The following LRMDA variants were observed in gnomAD, a reference collection of about 807,000 sequenced individuals.
LRMDA encodes leucine rich melanocyte differentiation associated.
Under a neutral mutation model 29.8 loss-of-function variants are expected in LRMDA, and 18 were observed. The observed-to-expected ratio is 0.60, with a 90% CI of 0.42 to 0.90. LRMDA has a LOEUF of 0.90. Among genes scored for constraint, LRMDA ranks in the 40% least tolerant of loss-of-function variants. LRMDA has a pLI of 0.00. For missense variants in LRMDA, 273 were observed against 273.9 expected, an observed-to-expected ratio of 1.00 and a Z score of 0.02; for synonymous variants, 125 against 109.4, an observed-to-expected ratio of 1.14 and a Z score of -0.89.
intron 2 of LRMDA, among the ~76,000 whole-genome samples, chr10:76,013,134 A>C (rs1445982079): frequency 6.6e-6 from 1 of 152,214 alleles, no homozygotes; most frequent in African/African-American, 2.4e-5. Flanking sequence ...GTGAAAGATC[A>C]AAGATTGCTA....
At chr10:75,845,070 G>T (rs576745984) in intron 2 of LRMDA, among the ~76,000 whole-genome samples, 1 of 151,836 alleles carries the variant, frequency 6.6e-6, no homozygotes, top group East Asian at 1.9e-4. Context: ...TATAATTTTT[G>T]TATAAAATTG....
In LRMDA at chr10:76,106,474, T is replaced by C. The variant is rs568144194; in HGVS notation, c.516+47691T>C. Reference sequence around the variant, plus strand: ...CCTGTTGGTCTTTAGCCATGAAATATCCCTGTATCATTTCCCCATTTTTAT... The same window carrying C: ...CCTGTTGGTCTTTAGCCATGAAATACCCCTGTATCATTTCCCCATTTTTAT... On this transcript the variant is annotated intron_variant, in intron 5 of 6. Coordinates refer to ENST00000611255, the MANE Select transcript of LRMDA (RefSeq NM_001305581.2). Among the ~76,000 whole-genome samples, 4 of 152,340 alleles carry C rather than the reference T, an allele frequency of 2.6e-5. No homozygotes were observed. The South Asian group carries it at 8.3e-4, about 32-fold the overall frequency.
At chr10:76,531,040 G>T (rs943498231) in intron 6 of LRMDA, among the ~76,000 whole-genome samples, 2 of 152,072 alleles carry the variant, frequency 1.3e-5, no homozygotes, top group African/African-American at 4.8e-5. Flanking sequence ...TTCTAGGTTT[G>T]GGGGCAGATA....
intron 2 of LRMDA, among the ~76,000 whole-genome samples, chr10:75,448,074 G>A (rs964906475): frequency 6.6e-6 from 1 of 152,190 alleles, no homozygotes; most frequent in Non-Finnish European, 1.5e-5. Context: ...GAGGTGGTGG[G>A]CAACTGGAGA....
At chr10:76,431,250 T>A (rs1326137917) in intron 6 of LRMDA, among the ~76,000 whole-genome samples, 1 of 152,170 alleles carries the variant, frequency 6.6e-6, no homozygotes. Context: ...ATTTACGTGT[T>A]TGAGGCGGGC....
chr10:76,051,417 C>G (rs1484786019), intron 4 of LRMDA, among the ~76,000 whole-genome samples: 1 of 152,202 alleles, frequency 6.6e-6, no homozygotes, highest in Non-Finnish European at 1.5e-5. Context: ...CTGGCCTCTG[C>G]CAGTTGTCAG....
At chr10:75,978,309 C>T (rs1050920982) in intron 2 of LRMDA, among the ~76,000 whole-genome samples, 2 of 152,196 alleles carry the variant, frequency 1.3e-5, no homozygotes, top group African/African-American at 4.8e-5. Context: ...CTCTTTGTAG[C>T]TCTGACATTC....
At chr10:75,903,621 A>G (rs1366072040) in intron 2 of LRMDA, among the ~76,000 whole-genome samples, 1 of 152,252 alleles carries the variant, frequency 6.6e-6, no homozygotes, top group Non-Finnish European at 1.5e-5. Flanking sequence ...CTTGAATGAA[A>G]GGAACTAGAA....
In LRMDA at chr10:75,555,721, A is replaced by C. The variant is rs557977038; in HGVS notation, c.131+117227A>C. ...GATGCAACCTAAAATTACTTACTGCATGACGAAACACAATCAACAGAGATC... is the reference window on the plus strand; with the variant it reads ...GATGCAACCTAAAATTACTTACTGCCTGACGAAACACAATCAACAGAGATC... On this transcript the variant is annotated intron_variant, in intron 2 of 6. Transcript: ENST00000611255. Among the ~76,000 whole-genome samples, 8 of 152,322 alleles carry C rather than the reference A, an allele frequency of 5.3e-5. No homozygotes were observed. In the South Asian group the frequency reaches 1.7e-3, roughly 32 times the overall value.
chr10:76,141,765 G>A (rs1448007354), intron 5 of LRMDA, among the ~76,000 whole-genome samples: 1 of 152,040 alleles, frequency 6.6e-6, no homozygotes, highest in African/African-American at 2.4e-5. Flanking sequence ...GCCCCAAAGC[G>A]TAATTCCTTC....
chr10:76,166,312 T>C (rs1850739624), intron 5 of LRMDA, among the ~76,000 whole-genome samples: 1 of 152,174 alleles, frequency 6.6e-6, no homozygotes, highest in Non-Finnish European at 1.5e-5. Context: ...CCTTCTTTTG[T>C]TTGTTTTTAA....
chr10:76,365,107 T>TACACACACACAC (rs61263118), intron 6 of LRMDA, among the ~76,000 whole-genome samples: 1 of 61,202 alleles, frequency 1.6e-5, no homozygotes, highest in Admixed American at 1.8e-4. Context: ...TATATATATA[T>TACACACACACAC]ACACACACAC....
At chr10:76,472,338 T>C (rs1054880173) in intron 6 of LRMDA, among the ~76,000 whole-genome samples, 1 of 151,640 alleles carries the variant, frequency 6.6e-6, no homozygotes, top group Non-Finnish European at 1.5e-5. Context: ...ATAAAGAAAG[T>C]TGAAAAACAC....
intron 6 of LRMDA, among the ~76,000 whole-genome samples, chr10:76,457,843 G>C (rs1277438998): frequency 6.6e-6 from 1 of 152,136 alleles, no homozygotes; most frequent in Non-Finnish European, 1.5e-5. Flanking sequence ...TGCTAATTCA[G>C]TGTTTGCAGA....
At chr10:75,833,711 C>T (rs906594910) in intron 2 of LRMDA, among the ~76,000 whole-genome samples, 26 of 152,158 alleles carry the variant, frequency 1.7e-4, no homozygotes, top group African/African-American at 6.0e-4. Context: ...ATGAGTGAGC[C>T]GCTAAGTATA....
At chr10:76,289,736 C>T (rs1840316168) in intron 5 of LRMDA, among the ~76,000 whole-genome samples, 1 of 152,102 alleles carries the variant, frequency 6.6e-6, no homozygotes, top group Non-Finnish European at 1.5e-5. Context: ...CATAACTGAC[C>T]AGGCAAAATG....
At chr10:75,911,006 A>T (rs956326612) in intron 2 of LRMDA, among the ~76,000 whole-genome samples, 1 of 150,386 alleles carries the variant, frequency 6.6e-6, no homozygotes, top group Non-Finnish European at 1.5e-5. Context: ...TCACTATTAA[A>T]CAGCATTTTT....
intron 2 of LRMDA, among the ~76,000 whole-genome samples, chr10:75,992,984 A>G (rs77946695): frequency 8.0e-6 from 1 of 125,176 alleles, no homozygotes; most frequent in Non-Finnish European, 1.8e-5. Context: ...AAATAAAAAT[A>G]AAAATGAAAA....
chr10:75,940,257 C>T lies in LRMDA; in HGVS notation c.132-95751C>T, dbSNP rs865776482. 5.9e-5 allele frequency among the ~76,000 whole-genome samples: 9 copies of T among 151,998 alleles called. No homozygotes were observed. The East Asian group carries it at 9.7e-4, about 16-fold the overall frequency. On this transcript the variant is annotated intron_variant, in intron 2 of 6. Transcript: ENST00000611255. Reference sequence around the variant, plus strand: ...CAGAAGGCATTATTGGGGCAGTAAGCGGCTGGGGGTGGGAAGGGCGTGTTG... The same window carrying T: ...CAGAAGGCATTATTGGGGCAGTAAGTGGCTGGGGGTGGGAAGGGCGTGTTG...
Sources: allele counts gnomAD v4.1 joint callset (sites outside exome capture counted in the v4.1 genomes callset), GRCh38; gene constraint gnomAD v4.1.1; transcripts MANE v1.5; gene names NCBI Gene and HGNC (gene_info 2026-07-23, HGNC 2026-07-21).